The following STK33 variants were observed in gnomAD, a reference collection of about 807,000 sequenced individuals.
STK33 encodes serine/threonine-protein kinase 33.
A neutral mutation model predicts 58.0 loss-of-function variants in STK33; 52 were observed. The ratio of observed to expected loss-of-function variants is 0.90; its 90% CI spans 0.72 to 1.13. The LOEUF (loss-of-function observed/expected upper bound fraction) is 1.13, where lower values mean the gene tolerates loss of function less well. STK33 is among the 50% of genes most tolerant of loss of function. STK33 has a pLI of 0.00. For synonymous variants in STK33, 215 were observed against 200.1 expected (o/e 1.07, Z -0.63); for missense variants, 630 against 604.2 (o/e 1.04, Z -0.45).
intron 12 of STK33, among the ~76,000 whole-genome samples, chr11:8,438,634 A>G (rs140278213): frequency 2.5e-4 from 38 of 152,270 alleles, no homozygotes; most frequent in African/African-American, 8.7e-4. Flanking sequence ...AATTAAAATT[A>G]TATTTCTAAG....
intron 1 of STK33, among the ~76,000 whole-genome samples, chr11:8,568,741 T>A (rs555230592): frequency 6.6e-6 from 1 of 152,178 alleles, no homozygotes; most frequent in Admixed American, 6.5e-5. Context: ...AGAAGGAAGA[T>A]TGATTCTGAT....
intron 1 of STK33, among the ~76,000 whole-genome samples, chr11:8,496,516 G>T (rs964300452): frequency 6.6e-6 from 1 of 152,010 alleles, no homozygotes; most frequent in African/African-American, 2.4e-5. Flanking sequence ...GTTTGATCTT[G>T]CCTCTAGGAT....
At chr11:8,530,093 T>C (rs1368671788) in intron 1 of STK33, among the ~76,000 whole-genome samples, 1 of 152,122 alleles carries the variant, frequency 6.6e-6, no homozygotes, top group Non-Finnish European at 1.5e-5. Context: ...AAGAGAGGCT[T>C]TGCATCTACA....
chr11:8,462,017 T>C (rs773406523), intron 7 of STK33, 108 bp from the exon 8 acceptor site: 2 of 687,462 alleles, frequency 2.9e-6, no homozygotes, highest in Admixed American at 3.8e-5. Context: ...AACTTCATAT[T>C]TGAAGTGAAT....
At position 8,563,097 on chromosome 11, in the gene STK33, C is replaced by T. The variant is rs189616550; in HGVS notation, c.-466+30986G>A. Reference sequence around the variant, plus strand: ...TTATTTTGTGAAGAGTCACTTAAGTCGCCTCCCATAGTGACAGATTGCAAA... The same window carrying T: ...TTATTTTGTGAAGAGTCACTTAAGTTGCCTCCCATAGTGACAGATTGCAAA... On this transcript the variant is annotated intron_variant, in intron 1 of 15. Coordinates refer to ENST00000687296, the MANE Select transcript of STK33 (RefSeq NM_001352389.2). Among the ~76,000 whole-genome samples the T allele has an allele frequency of 5.0e-3, 768 of 152,168 alleles. 1 individual carries two copies. Among genetic ancestry groups the T allele is most frequent in the Non-Finnish European group, 7.7e-3 (522 of 67,998 alleles).
chr11:8,507,606 G>A (rs1951960312), intron 1 of STK33, among the ~76,000 whole-genome samples: 3 of 152,052 alleles, frequency 2.0e-5, no homozygotes, highest in Admixed American at 1.3e-4. Context: ...TTATCTTAAA[G>A]AAGACTAAAT....
intron 1 of STK33, among the ~76,000 whole-genome samples, chr11:8,576,163 G>C (rs1958165655): frequency 6.6e-6 from 1 of 152,114 alleles, no homozygotes; most frequent in Non-Finnish European, 1.5e-5. Flanking sequence ...GACTGAATGG[G>C]GAGTTGAAAA....
At chr11:8,488,264 C>T (rs1302851053) in intron 1 of STK33, among the ~76,000 whole-genome samples, 2 of 152,066 alleles carry the variant, frequency 1.3e-5, no homozygotes, top group African/African-American at 2.4e-5. Flanking sequence ...CAGTTGATAA[C>T]ACTTGGAGCA....
chr11:8,343,708 C>G, the STK33 span, among the ~76,000 whole-genome samples: 2 of 152,168 alleles, frequency 1.3e-5, no homozygotes, highest in Non-Finnish European at 2.9e-5. Context: ...CCCAGCACCC[C>G]CTCTCCAATC....
chr11:8,515,527 C>G (rs1281256662), intron 1 of STK33, among the ~76,000 whole-genome samples: 2 of 151,996 alleles, frequency 1.3e-5, no homozygotes, highest in African/African-American at 2.4e-5. Flanking sequence ...AAAGATACCA[C>G]GAAAAAGGAA....
intron 8 of STK33, among the ~76,000 whole-genome samples, chr11:8,458,839 T>G (rs140237985): frequency 0.013 from 2,045 of 152,316 alleles, 12 homozygotes; most frequent in Non-Finnish European, 0.02. Context: ...AAGTCTGATT[T>G]TGTTCTTATA....
chr11:8,393,318 T>G (rs1019208727), intron 15 of STK33, among the ~76,000 whole-genome samples: 44 of 152,234 alleles, frequency 2.9e-4, no homozygotes, highest in Admixed American at 1.8e-3. Flanking sequence ...AGGGTGGCCA[T>G]GAAAGTACTA....
intron 15 of STK33, among the ~76,000 whole-genome samples, chr11:8,400,080 A>G (rs1225531347): frequency 1.3e-5 from 2 of 152,222 alleles, no homozygotes; most frequent in Non-Finnish European, 2.9e-5. Context: ...AACTATTCCA[A>G]TCAATAGAAA....
intron 1 of STK33, among the ~76,000 whole-genome samples, chr11:8,492,688 T>C (rs977999313): frequency 6.6e-6 from 1 of 152,134 alleles, no homozygotes; most frequent in African/African-American, 2.4e-5. Flanking sequence ...ATTGACCACA[T>C]AGTTGGAAGC....
intron 11 of STK33, among the ~76,000 whole-genome samples, chr11:8,442,569 C>A (rs1037918085): frequency 2.6e-5 from 4 of 152,144 alleles, no homozygotes; most frequent in African/African-American, 9.7e-5. Flanking sequence ...CTCTCTTGTT[C>A]TCACTTGTTA....
chr11:8,447,373 T>C (rs1156995423), intron 11 of STK33, among the ~76,000 whole-genome samples: 3 of 152,136 alleles, frequency 2.0e-5, no homozygotes, highest in Non-Finnish European at 4.4e-5. Context: ...TGAACATCGA[T>C]GCAAAAATCC....
intron 1 of STK33, among the ~76,000 whole-genome samples, chr11:8,556,626 T>C (rs1490430776): frequency 6.6e-6 from 1 of 152,174 alleles, no homozygotes; most frequent in African/African-American, 2.4e-5. Context: ...CTTATCCAAA[T>C]TGGGTCCCCT....
chr11:8,374,588 G>A, the STK33 span, among the ~76,000 whole-genome samples: 1 of 152,136 alleles, frequency 6.6e-6, no homozygotes, highest in Non-Finnish European at 1.5e-5. Context: ...TTTTTATAAG[G>A]ACACTAATAC....
the STK33 span, among the ~76,000 whole-genome samples, chr11:8,334,863 A>G: frequency 2.6e-5 from 4 of 151,466 alleles, no homozygotes; most frequent in Non-Finnish European, 5.9e-5. Flanking sequence ...GCAGTCACAC[A>G]CTCCTTCAAT....
Sources: allele counts gnomAD v4.1 joint callset (sites outside exome capture counted in the v4.1 genomes callset), GRCh38; gene constraint gnomAD v4.1.1; transcripts MANE v1.5; gene names NCBI Gene and HGNC (gene_info 2026-07-23, HGNC 2026-07-21).